Variants in PIK3C2G observed in about 807,000 individuals in gnomAD.
PIK3C2G encodes the protein phosphatidylinositol 3-kinase C2 domain-containing subunit gamma.
A neutral mutation model predicts 181.1 loss-of-function variants in PIK3C2G; 168 were observed. The observed-to-expected ratio is 0.93, with a 90% CI of 0.82 to 1.05. The LOEUF is 1.05. PIK3C2G is among the 50% of genes least tolerant of loss of function. The probability of loss-of-function intolerance (pLI) is 0.00; values close to 1 mark genes in which losing one functional copy is unlikely to be tolerated. For missense variants in PIK3C2G, 1,869 were observed against 1,732.8 expected, an observed-to-expected ratio of 1.08 and a Z score of -1.40; for synonymous variants, 573 against 592.2, an observed-to-expected ratio of 0.97 and a Z score of 0.47.
At chr12:18,243,201 TG>T (rs1948003291), upstream of PIK3C2G, among the ~76,000 whole-genome samples, 1 of 116,850 alleles carries the variant, frequency 8.6e-6, no homozygotes, top group Non-Finnish European at 1.8e-5. Flanking sequence ...TTTCTGTGTG[TG>T]TGTGTGTGTG....
Position 18,254,745 on chromosome 12 carries a change from G to A in PIK3C2G, c.-79+6663G>A, listed in dbSNP as rs187734310. Among the ~76,000 whole-genome samples, 439 of 151,972 alleles carry A rather than the reference G, an allele frequency of 2.9e-3. 2 individuals carry two copies. Among genetic ancestry groups the A allele is most frequent in the Admixed American group, 4.9e-3 (75 of 15,280 alleles). On this transcript the variant is annotated intron_variant, in intron 1 of 11. Transcript: ENST00000535651. ...GTAGTTCCAGCTACTCCAGCTACTCGGGAGGCCGAGGCAAGAGAATTGCTT... is the reference window on the plus strand; with the variant it reads ...GTAGTTCCAGCTACTCCAGCTACTCAGGAGGCCGAGGCAAGAGAATTGCTT...
intron 11 of PIK3C2G, among the ~76,000 whole-genome samples, chr12:18,347,615 G>C (rs1457583729): frequency 6.6e-6 from 1 of 152,044 alleles, no homozygotes; most frequent in Non-Finnish European, 1.5e-5. Context: ...TTCAAAACCA[G>C]CCTGGACAAA....
chr12:18,498,684 A>G (rs1207105090), intron 22 of PIK3C2G, among the ~76,000 whole-genome samples: 2 of 152,104 alleles, frequency 1.3e-5, no homozygotes, highest in Non-Finnish European at 2.9e-5. Context: ...ACCCCAGTCA[A>G]CAGTTGAGAT....
At chr12:18,630,157 A>G (rs1371313528) in intron 31 of PIK3C2G, among the ~76,000 whole-genome samples, 1 of 152,058 alleles carries the variant, frequency 6.6e-6, no homozygotes. Flanking sequence ...CATACCTATA[A>G]TCCCAGGCAG....
At chr12:18,513,286 G>A (rs1565465559) in intron 24 of PIK3C2G, among the ~76,000 whole-genome samples, 1 of 151,496 alleles carries the variant, frequency 6.6e-6, no homozygotes, top group African/African-American at 2.4e-5. Context: ...TTCTGGGTTT[G>A]ATATCAAGAT....
At chr12:18,377,546 C>T (rs768902584) in intron 13 of PIK3C2G, among the ~76,000 whole-genome samples, 5 of 152,140 alleles carry the variant, frequency 3.3e-5, no homozygotes, top group Non-Finnish European at 7.3e-5. Flanking sequence ...CAAACACCAG[C>T]AGAACCTCAA....
chr12:18,396,599 C>T (rs1943909591), intron 15 of PIK3C2G, among the ~76,000 whole-genome samples: 1 of 151,482 alleles, frequency 6.6e-6, no homozygotes, highest in Admixed American at 6.6e-5. Context: ...GTAAAGGTCA[C>T]AGCATTTGAG....
chr12:18,619,077 A>T (rs1038416071), intron 31 of PIK3C2G, among the ~76,000 whole-genome samples: 4 of 151,002 alleles, frequency 2.6e-5, no homozygotes, highest in African/African-American at 9.7e-5. Context: ...ACATAAATTT[A>T]ATTATATTAT....
At chr12:18,437,090 C>A (rs1331912449) in intron 18 of PIK3C2G, among the ~76,000 whole-genome samples, 2 of 151,716 alleles carry the variant, frequency 1.3e-5, no homozygotes, top group Non-Finnish European at 2.9e-5. Flanking sequence ...ATTTTGTTTC[C>A]CAGGGCTGTG....
rs771977828 is a variant in PIK3C2G, at chr12:18,343,315, AT to A, written c.1396-4del. On this transcript the variant is annotated splice_polypyrimidine_tract_variant and intron_variant, in intron 9 of 32. Transcript: ENST00000538779. ...GTGCGAATAACAAGTATAATTTTAC[AT>A]TTTTTTTCAGAATTTTTATCAAAGT... 1.4e-4 allele frequency: 181 copies of A among 1,311,624 alleles called. No homozygotes were observed. Among genetic ancestry groups the A allele is most frequent in the Non-Finnish European group, 1.7e-4 (158 of 938,342 alleles). 81.2% of individuals were successfully genotyped at this position (1,311,624 alleles called of 1,614,324 possible). A position where few individuals can be genotyped will look rare whatever the true frequency, so the allele number is the denominator to read the frequency against.
At chr12:18,356,401 T>C (rs1940732722) in intron 11 of PIK3C2G, among the ~76,000 whole-genome samples, 1 of 152,054 alleles carries the variant, frequency 6.6e-6, no homozygotes. Context: ...GACAAGTGCT[T>C]CTGGGTGCTG....
At chr12:18,285,062 A>T (rs1949384990) in intron 2 of PIK3C2G, among the ~76,000 whole-genome samples, 1 of 152,158 alleles carries the variant, frequency 6.6e-6, no homozygotes, top group South Asian at 2.1e-4. Flanking sequence ...AGACAGCCAC[A>T]TATAGACATT....
chr12:18,654,005 T>C, the PIK3C2G span, among the ~76,000 whole-genome samples: 1 of 152,052 alleles, frequency 6.6e-6, no homozygotes, highest in Non-Finnish European at 1.5e-5. Context: ...AAAAAGAGCC[T>C]CATTTTCTGA....
intron 22 of PIK3C2G, among the ~76,000 whole-genome samples, chr12:18,501,027 ACCCACC>A (rs1941434396): frequency 1.3e-5 from 2 of 152,036 alleles, no homozygotes; most frequent in African/African-American, 4.8e-5. Flanking sequence ...GAGACCACGA[ACCCACC>A]AGAAGGAAGA....
chr12:18,575,334 G>A (rs1200511024), intron 29 of PIK3C2G, among the ~76,000 whole-genome samples: 1 of 152,150 alleles, frequency 6.6e-6, no homozygotes, highest in Non-Finnish European at 1.5e-5. Flanking sequence ...GTGGGACCCA[G>A]CAATCTTTGT....
At chr12:18,522,779 C>T (rs551912126) in intron 24 of PIK3C2G, among the ~76,000 whole-genome samples, 147 of 152,058 alleles carry the variant, frequency 9.7e-4, no homozygotes, top group Non-Finnish European at 1.4e-3. Context: ...TGTCATCTTT[C>T]CTCAGATTTG....
At chr12:18,325,138 G>C in intron 8 of PIK3C2G, 40 bp downstream of exon 8, 1 of 1,133,378 alleles carries the variant, frequency 8.8e-7, no homozygotes, top group Non-Finnish European at 1.3e-6. Context: ...TTCAGTAAGC[G>C]TTTTTAACGC....
At chr12:18,426,343 TGA>T (rs1421509323) in intron 18 of PIK3C2G, among the ~76,000 whole-genome samples, 2 of 152,176 alleles carry the variant, frequency 1.3e-5, no homozygotes, top group African/African-American at 4.8e-5. Context: ...ATTATATAAT[TGA>T]GAGTTAAGAA....
At position 18,399,840 on chromosome 12, in the gene PIK3C2G, A is replaced by T. The variant is rs369497823; in HGVS notation, c.2308A>T (p.Thr770Ser). Residue 770 changes from threonine (T) to serine (S), a missense_variant, in exon 16 of 33, where the codon ACT becomes TCT. Thr to Ser is a moderately conservative substitution (Grantham distance 58, BLOSUM62 1). Transcript: ENST00000538779. ...ACCTTTAGAGGCTCTTGGGCTTTTG[A>T]CTTCCAGGTAAGAATTGCATAACAA... ...SQPLEALGLL[T>S]SSFPDQEIRK... 5.2e-5 allele frequency: 81 copies of T among 1,570,346 alleles called. No individual in the cohort carries two copies. The African/African-American group carries it at 9.8e-4, about 19-fold the overall frequency.
Sources: gnomAD v4.1 joint callset for allele counts (sites outside exome capture counted in the v4.1 genomes callset) on GRCh38, gnomAD v4.1.1 for gene constraint, MANE v1.5 for transcripts, NCBI Gene and HGNC (gene_info 2026-07-23, HGNC 2026-07-21) for gene names.